RBFOX1: variants seen among roughly 807,000 people sequenced by gnomAD.
The protein encoded by RBFOX1 is RNA binding protein fox-1 homolog 1.
A neutral mutation model predicts 57.7 loss-of-function variants in RBFOX1; 8 were observed. The ratio of observed to expected loss-of-function variants is 0.14; its 90% confidence interval spans 0.08 to 0.25. The LOEUF (loss-of-function observed/expected upper bound fraction) is 0.25. RBFOX1 is among the 10% of genes least tolerant of loss of function. The probability of loss-of-function intolerance (pLI) is 1.00; values close to 1 mark genes in which losing one functional copy is unlikely to be tolerated. For synonymous variants in RBFOX1, 326 were observed against 222.4 expected (o/e 1.47, Z -4.15); for missense variants, 611 against 548.5 (o/e 1.11, Z -1.14).
At chr16:6,863,731 T>A (rs1401213632) in intron 3 of RBFOX1, among the ~76,000 whole-genome samples, 1 of 69,156 alleles carries the variant, frequency 1.4e-5, no homozygotes, top group Non-Finnish European at 3.7e-5. Flanking sequence ...TGCGCTTTTT[T>A]TTTTTTTTTT....
chr16:5,638,275 G>A (rs1189879139), intron 3 of RBFOX1, among the ~76,000 whole-genome samples: 1 of 152,068 alleles, frequency 6.6e-6, no homozygotes, highest in Admixed American at 6.5e-5. Context: ...AAGAGCCTGG[G>A]GTCCAACCCA....
intron 3 of RBFOX1, among the ~76,000 whole-genome samples, chr16:6,931,283 G>T (rs200871729): frequency 1.5e-5 from 2 of 134,024 alleles, no homozygotes; most frequent in African/African-American, 2.9e-5. Flanking sequence ...CTATCTATCT[G>T]TCTGTCTGTC....
chr16:5,626,471 A>T (rs990514563), intron 3 of RBFOX1, among the ~76,000 whole-genome samples: 2 of 152,156 alleles, frequency 1.3e-5, no homozygotes, highest in African/African-American at 4.8e-5. Flanking sequence ...CCTGTCCTTG[A>T]TAGCAGTCAC....
intron 2 of RBFOX1, among the ~76,000 whole-genome samples, chr16:6,564,464 A>T (rs899075736): frequency 5.8e-5 from 6 of 103,632 alleles, no homozygotes; most frequent in Non-Finnish European, 1.1e-4. Context: ...TGTCTCAAAA[A>T]CAAACAAAAA....
At chr16:7,244,049 A>C (rs904022966) in intron 4 of RBFOX1, among the ~76,000 whole-genome samples, 2 of 152,076 alleles carry the variant, frequency 1.3e-5, no homozygotes, top group Non-Finnish European at 2.9e-5. Context: ...TTGTTTTCAC[A>C]GCAAGATTAA....
intron 4 of RBFOX1, among the ~76,000 whole-genome samples, chr16:7,409,210 G>A (rs55977430): frequency 0.16 from 24,262 of 152,120 alleles, 3,395 homozygotes; most frequent in African/African-American, 0.37. Context: ...TGGAGAATGA[G>A]AATCTCTCTG....
chr16:5,702,066 T>C (rs2051068478), intron 3 of RBFOX1, among the ~76,000 whole-genome samples: 1 of 152,030 alleles, frequency 6.6e-6, no homozygotes, highest in South Asian at 2.1e-4. Context: ...TAGCTATCAG[T>C]GAGAAGGAGG....
At chr16:7,110,573 A>C (rs1218266634) in intron 4 of RBFOX1, among the ~76,000 whole-genome samples, 1 of 152,202 alleles carries the variant, frequency 6.6e-6, no homozygotes, top group Non-Finnish European at 1.5e-5. Flanking sequence ...GCTAATAGCT[A>C]GGAGGGATCT....
rs2043947281 is a variant in RBFOX1 at position 5,519,948 on chromosome 16, G to A, written c.258+52694G>A. Reference sequence around the variant, plus strand: ...GAATAAGTGCTATAGTTATAGTGGTGAGCAAGGCAGATATATCTCCTGCCC... The same window carrying A: ...GAATAAGTGCTATAGTTATAGTGGTAAGCAAGGCAGATATATCTCCTGCCC... On this transcript the variant is annotated intron_variant, in intron 2 of 2. Transcript: ENST00000585867. Among the ~76,000 whole-genome samples, 3 of 152,328 alleles carry A rather than the reference G, an allele frequency of 2.0e-5. No homozygotes were observed. In the South Asian group the frequency reaches 6.2e-4, roughly 32 times the overall value.
At chr16:7,204,163 TTCTC>T (rs2089400922) in intron 4 of RBFOX1, among the ~76,000 whole-genome samples, 2 of 152,190 alleles carry the variant, frequency 1.3e-5, no homozygotes, top group South Asian at 4.1e-4. Context: ...AGGCTTTACT[TTCTC>T]AGAGTAACCA....
chr16:7,609,282 TG>T (rs1193010728), intron 10 of RBFOX1, among the ~76,000 whole-genome samples: 3 of 152,076 alleles, frequency 2.0e-5, no homozygotes, highest in Non-Finnish European at 4.4e-5. Context: ...GAGGGCAAAA[TG>T]CATTTTTACA....
At chr16:7,495,991 A>G (rs59394116) in intron 4 of RBFOX1, among the ~76,000 whole-genome samples, 1 of 152,208 alleles carries the variant, frequency 6.6e-6, no homozygotes, top group African/African-American at 2.4e-5. Flanking sequence ...GTACTTCCAT[A>G]CAGAGAAGAA....
Position 7,711,203 on chromosome 16 carries a change from ATTGGAACTGGGGT to A in RBFOX1, c.*463_*475del, listed in dbSNP as rs1397832325. 2 of 147,772 alleles carry A rather than the reference ATTGGAACTGGGGT, an allele frequency of 1.4e-5. No homozygotes were observed. Among genetic ancestry groups the A allele is most frequent in the African/African-American group, 2.5e-5 (1 of 40,278 alleles). The allele number at this position is 147,772 out of a possible 1,614,324, so 9.2% of individuals were successfully genotyped here. The stretch of plus-strand genomic sequence containing the variant: ...GGGGAGGTTGGGAGGGGCTTAGGGG[ATTGGAACTGGGGT>A]TTGGCTGAAAGAAAAAAAAAAAAAT... On this transcript the variant is annotated 3_prime_UTR_variant, in exon 16 of 16. Transcript: ENST00000550418.
chr16:7,350,268 G>T lies in RBFOX1; in HGVS notation c.28-167879G>T, dbSNP rs558043559. On this transcript the variant is annotated intron_variant, in intron 4 of 15. Transcript: ENST00000550418. ...GGTGCCAGCTGTGTACAGTCGTGGG[G>T]TATGGGAAAGAGGTCTAAGGGGAGG... 1.3e-4 allele frequency among the ~76,000 whole-genome samples: 20 copies of T among 152,332 alleles called. 1 individual carries two copies. In the South Asian group the frequency reaches 2.5e-3, roughly 19 times the overall value.
At chr16:5,975,091 A>C (rs1334208391) in intron 4 of RBFOX1, among the ~76,000 whole-genome samples, 1 of 152,242 alleles carries the variant, frequency 6.6e-6, no homozygotes, top group Non-Finnish European at 1.5e-5. Flanking sequence ...TAATAAGTTG[A>C]AACAACAACA....
chr16:7,455,791 A>G (rs1217866730), intron 4 of RBFOX1, among the ~76,000 whole-genome samples: 2 of 151,230 alleles, frequency 1.3e-5, no homozygotes, highest in Non-Finnish European at 1.5e-5. Flanking sequence ...ATCTCAAAAA[A>G]AAAAAAAAAA....
chr16:6,835,179 G>T (rs1224525130), intron 3 of RBFOX1, among the ~76,000 whole-genome samples: 2 of 152,074 alleles, frequency 1.3e-5, no homozygotes, highest in African/African-American at 4.8e-5. Flanking sequence ...GGGATCACAG[G>T]CGTGAGCCAC....
At chr16:6,774,054 G>A in intron 3 of RBFOX1, 1 of 944,178 alleles carries the variant, frequency 1.1e-6, no homozygotes, top group Non-Finnish European at 1.3e-6. Context: ...ATGCTCATTG[G>A]CTTTCTGATT....
At chr16:6,388,572 G>A (rs1363944423) in intron 2 of RBFOX1, among the ~76,000 whole-genome samples, 1 of 151,918 alleles carries the variant, frequency 6.6e-6, no homozygotes, top group African/African-American at 2.4e-5. Context: ...ATACTACTCA[G>A]CCTTAAAAAG....
Sources: allele counts gnomAD v4.1 joint callset (sites outside exome capture counted in the v4.1 genomes callset), GRCh38; gene constraint gnomAD v4.1.1; transcripts MANE v1.5; gene names NCBI Gene and HGNC (gene_info 2026-07-23, HGNC 2026-07-21).